CLIP2: variants seen among roughly 807,000 people sequenced by gnomAD.
CLIP2 encodes the protein CAP-Gly domain containing linker protein 2.
Under a neutral mutation model 111.7 loss-of-function variants are expected in CLIP2, and 41 were observed. That is an observed-to-expected ratio of 0.37 (90% CI 0.29 to 0.48). The LOEUF is 0.48. CLIP2 is among the 20% of genes least tolerant of loss of function. The probability of loss-of-function intolerance (pLI) is 0.99; values close to 1 mark genes in which losing one functional copy is unlikely to be tolerated. For missense variants in CLIP2, 1,160 were observed against 1,422.1 expected (o/e 0.82, Z 2.96); for synonymous variants, 660 against 644.2 (o/e 1.02, Z -0.37).
rs1479585708 is a variant in CLIP2, at chr7:74,339,110, G to A, written c.678+106G>A. 3.7e-6 allele frequency: 4 copies of A among 1,076,786 alleles called. No individual in the cohort carries two copies. In the African/African-American group the frequency reaches 4.7e-5, roughly 13 times the overall value. The allele number at this position is 1,076,786 out of a possible 1,614,324, so 66.7% of individuals were successfully genotyped here. A position where few individuals can be genotyped will look rare whatever the true frequency, so the allele number is the denominator to read the frequency against. The stretch of plus-strand genomic sequence containing the variant: ...CCTGGGCTGGGCAGGGTGGGGACTC[G>A]AAGGGGGCTCGGACAGGGTCCAGCC... On this transcript the variant is annotated intron_variant, in intron 3 of 16. Transcript: ENST00000223398.
Position 74,386,497 on chromosome 7 carries a change from T to C in CLIP2, c.2480-24T>C, listed in dbSNP as rs781887497. On this transcript the variant is annotated intron_variant, in intron 11 of 16. Transcript: ENST00000223398. ...GCTTTGGTCCAGGAGCATTGATGCT[T>C]CTCGTCTCTCCTCTCTCCCCTAGGC... 4.4e-6 allele frequency: 7 copies of C among 1,602,736 alleles called. No individual in the cohort carries two copies. The East Asian group carries it at 1.3e-4, about 31-fold the overall frequency.
At chr7:74,388,227 G>C (rs1398320481) in intron 12 of CLIP2, among the ~76,000 whole-genome samples, 5 of 152,114 alleles carry the variant, frequency 3.3e-5, no homozygotes, top group African/African-American at 1.2e-4. Context: ...AGCTACTCAG[G>C]AGGTTGAGGC....
chr7:74,297,625 C>T (rs1788209508), intron 1 of CLIP2, among the ~76,000 whole-genome samples: 1 of 152,076 alleles, frequency 6.6e-6, no homozygotes, highest in Non-Finnish European at 1.5e-5. Context: ...TGGGAACACT[C>T]CATGCCTTGC....
intron 7 of CLIP2, 69 bp from the exon 8 acceptor site, chr7:74,364,186 G>A (rs879985646): frequency 7.0e-7 from 1 of 1,421,480 alleles, no homozygotes; most frequent in Admixed American, 1.9e-5. Flanking sequence ...TCTCTCTGCT[G>A]TTGCTCATTC....
At chr7:74,369,780 C>A in intron 8 of CLIP2, among the ~76,000 whole-genome samples, 1 of 74,414 alleles carries the variant, frequency 1.3e-5, no homozygotes, top group Non-Finnish European at 2.9e-5. Context: ...TCGCTTGAAC[C>A]CAGGAGGCAG....
At position 74,289,489 on chromosome 7, in the gene CLIP2, G is replaced by A. The variant is rs1344930153; in HGVS notation, c.-313G>A. 6.6e-6 allele frequency: 1 copy of A among 150,922 alleles called. No homozygotes were observed. Among genetic ancestry groups the A allele is most frequent in the Non-Finnish European group, 1.5e-5 (1 of 67,550 alleles). 9.3% of individuals were successfully genotyped at this position (150,922 alleles called of 1,614,324 possible). A position where few individuals can be genotyped will look rare whatever the true frequency, so the allele number is the denominator to read the frequency against. ...GGCGCTCAGCTCGGCTCGGCCGCGG[G>A]GCGCGCAGGCGGCTGCTGGGCGGCC... is the stretch of plus-strand genomic sequence containing the variant. On this transcript the variant is annotated 5_prime_UTR_variant, in exon 1 of 17. Coordinates refer to ENST00000223398, the MANE Select transcript of CLIP2 (RefSeq NM_003388.5).
At chr7:74,333,671 C>T (rs574192764) in intron 2 of CLIP2, among the ~76,000 whole-genome samples, 1 of 151,458 alleles carries the variant, frequency 6.6e-6, no homozygotes, top group East Asian at 1.9e-4. Context: ...TTTGTAGAGA[C>T]AGGGTCTCAC....
chr7:74,373,897 G>C (rs532558814), intron 9 of CLIP2, among the ~76,000 whole-genome samples: 1 of 152,090 alleles, frequency 6.6e-6, no homozygotes, highest in Admixed American at 6.6e-5. Flanking sequence ...TTTTGAGGGA[G>C]TGGAGGTGTC....
intron 2 of CLIP2, among the ~76,000 whole-genome samples, chr7:74,328,450 G>A (rs1488891177): frequency 5.3e-5 from 8 of 152,150 alleles, no homozygotes; most frequent in African/African-American, 1.9e-4. Context: ...GGGGATGAGA[G>A]GGGAGTTGGT....
rs549012080 is a variant in CLIP2, at chr7:74,363,970, T to TCACATCCC, written c.1320-283_1320-276dup. On this transcript the variant is annotated intron_variant, in intron 7 of 16. Coordinates refer to ENST00000223398, the MANE Select transcript of CLIP2 (RefSeq NM_003388.5). ...GAAGGAAAGAAAACAGTGTTGTCAC[T>TCACATCCC]CACATCCCCGGGCCACCCTGCCCTT... Among the ~76,000 whole-genome samples the TCACATCCC allele has an allele frequency of 7.9e-5, 12 of 151,510 alleles. No homozygotes were observed. The East Asian group carries it at 1.9e-3, about 25-fold the overall frequency.
chr7:74,317,147 C>A (rs1554729236), intron 1 of CLIP2, among the ~76,000 whole-genome samples: 1 of 152,158 alleles, frequency 6.6e-6, no homozygotes, highest in African/African-American at 2.4e-5. Flanking sequence ...AGACACAAAG[C>A]TTTAATGGTG....
At chr7:74,355,420 G>A (rs1223003183) in intron 4 of CLIP2, among the ~76,000 whole-genome samples, 2 of 152,124 alleles carry the variant, frequency 1.3e-5, no homozygotes, top group South Asian at 2.1e-4. Context: ...GACTAGTCTG[G>A]ACAATATAGC....
intron 1 of CLIP2, among the ~76,000 whole-genome samples, chr7:74,298,409 G>T: frequency 7.2e-6 from 1 of 138,540 alleles, no homozygotes. Flanking sequence ...TTGCAGTGTT[G>T]GTCAGGCTGG....
In CLIP2 at chr7:74,302,670, G is replaced by T. The variant is rs1788371299; in HGVS notation, c.-68+12936G>T. ...GCCTGGGTCTGTCCTGCCCTGCTCA[G>T]CCCAGGAGCCCAGAGCCCTGCACTG... is the stretch of plus-strand genomic sequence containing the variant. On this transcript the variant is annotated intron_variant, in intron 1 of 16. Transcript: ENST00000223398. Among the ~76,000 whole-genome samples the T allele has an allele frequency of 2.0e-5, 3 of 152,196 alleles. No homozygotes were observed. In the South Asian group the frequency reaches 6.2e-4, roughly 32 times the overall value.
intron 3 of CLIP2, among the ~76,000 whole-genome samples, chr7:74,342,249 G>T (rs1418688541): frequency 6.6e-6 from 1 of 152,140 alleles, no homozygotes; most frequent in Non-Finnish European, 1.5e-5. Flanking sequence ...GGTGGCACGT[G>T]CCTGTAGTCC....
chr7:74,339,733 G>A (rs1584341177), intron 3 of CLIP2, among the ~76,000 whole-genome samples: 1 of 152,058 alleles, frequency 6.6e-6, no homozygotes, highest in Non-Finnish European at 1.5e-5. Context: ...TATTGATCCA[G>A]CTCATCCACA....
intron 13 of CLIP2, among the ~76,000 whole-genome samples, chr7:74,389,661 G>A (rs1184734814): frequency 6.6e-6 from 1 of 151,582 alleles, no homozygotes; most frequent in African/African-American, 2.4e-5. Context: ...CACCTTGGGA[G>A]GCCGAGGCAG....
intron 1 of CLIP2, among the ~76,000 whole-genome samples, chr7:74,305,871 C>CCCCCCCCCCCCCCCCCCCCCT (rs1788473209): frequency 7.6e-6 from 1 of 131,336 alleles, no homozygotes; most frequent in African/African-American, 3.1e-5. Flanking sequence ...CCCCACCGCC[C>CCCCCCCCCCCCCCCCCCCCCT]CTGCTGCCAG....
chr7:74,327,556 C>G (rs1789150587), intron 2 of CLIP2, among the ~76,000 whole-genome samples: 1 of 152,186 alleles, frequency 6.6e-6, no homozygotes, highest in Non-Finnish European at 1.5e-5. Flanking sequence ...AGGAGCCTTC[C>G]CAGCCCCAGG....
Sources: allele counts gnomAD v4.1 joint callset (sites outside exome capture counted in the v4.1 genomes callset), GRCh38; gene constraint gnomAD v4.1.1; transcripts MANE v1.5; gene names NCBI Gene and HGNC (gene_info 2026-07-23, HGNC 2026-07-21).